Variants in CLDN2 observed in about 807,000 individuals in gnomAD.
CLDN2 encodes claudin 2, also known as claudin-2.
CLDN2 carries 1 observed loss-of-function variant against 8.2 expected under a neutral mutation model. The ratio of observed to expected loss-of-function variants is 0.12; its 90% CI spans 0.04 to 0.58. CLDN2 has a LOEUF of 0.58. CLDN2 is among the 20% of genes least tolerant of loss of function. The probability of loss-of-function intolerance (pLI) is 0.90; values close to 1 mark genes in which losing one functional copy is unlikely to be tolerated. For synonymous variants in CLDN2, 70 were observed against 70.2 expected, an observed-to-expected ratio of 1.00 and a Z score of 0.01; for missense variants, 108 against 172.9, an observed-to-expected ratio of 0.62 and a Z score of 2.11.
chrX:106,921,739 C>T (rs1430162485), intron 1 of CLDN2, among the ~76,000 whole-genome samples: 1 of 112,226 alleles, frequency 8.9e-6, no homozygotes, highest in Non-Finnish European at 1.9e-5. Context: ...CCTGCAGCTC[C>T]AATCTCCCCA....
chrX:106,900,868 T>C lies in CLDN2; in HGVS notation c.-179+364T>C, dbSNP rs1346287583. 5 of 1,211,004 alleles carry C rather than the reference T, an allele frequency of 4.1e-6. No homozygotes were observed. In the Admixed American group the frequency reaches 6.5e-5, roughly 16 times the overall value. ...TTCTGCAGTAAAATCTCCCCAGCAC[T>C]GTACAGATAGTCGAAGGAGCGGGAT... is the stretch of plus-strand genomic sequence containing the variant. On this transcript the variant is annotated intron_variant, in intron 1 of 1. Transcript: ENST00000541806.
chrX:106,905,847 C>T (rs1183332733), intron 1 of CLDN2, among the ~76,000 whole-genome samples: 3 of 111,561 alleles, frequency 2.7e-5, no homozygotes, highest in Non-Finnish European at 5.7e-5. Context: ...CCTTCACTCC[C>T]CTGAGCAGCA....
At chrX:106,915,215 A>G (rs1354487799), upstream of CLDN2, among the ~76,000 whole-genome samples, 5 of 112,620 alleles carry the variant, frequency 4.4e-5, no homozygotes, top group East Asian at 1.4e-3. Flanking sequence ...ATTGTGAAGT[A>G]GTATTCCATT....
intron 1 of CLDN2, among the ~76,000 whole-genome samples, chrX:106,923,761 C>A (rs1326899322): frequency 9.0e-6 from 1 of 111,154 alleles, no homozygotes; most frequent in East Asian, 2.8e-4. Flanking sequence ...GTTAACTACA[C>A]AAATCTTGAG....
chrX:106,902,311 C>T (rs774144515), intron 1 of CLDN2: 12 of 683,419 alleles, frequency 1.8e-5, no homozygotes, highest in Admixed American at 1.5e-4. Flanking sequence ...GGCTCAGGTG[C>T]CATCTGCTCC....
chrX:106,926,581 G>T (rs1933467820), intron 1 of CLDN2, among the ~76,000 whole-genome samples: 1 of 110,665 alleles, frequency 9.0e-6, no homozygotes, highest in Non-Finnish European at 1.9e-5. Flanking sequence ...TAGTGGGTTA[G>T]TTCGGGCACG....
chrX:106,926,389 G>A (rs191219781), intron 1 of CLDN2, among the ~76,000 whole-genome samples: 5 of 111,541 alleles, frequency 4.5e-5, no homozygotes, highest in African/African-American at 1.6e-4. Flanking sequence ...TCAGATTTGG[G>A]AGGGTCAGTG....
intron 1 of CLDN2, among the ~76,000 whole-genome samples, chrX:106,924,745 T>C (rs1933442271): frequency 9.3e-6 from 1 of 107,242 alleles, no homozygotes; most frequent in Admixed American, 1.0e-4. Flanking sequence ...ATATACATTA[T>C]ATATATACAT....
chrX:106,926,787 TCACACA>T (rs60711565), intron 1 of CLDN2, among the ~76,000 whole-genome samples: 79 of 2,109 alleles, frequency 0.037, 3 homozygotes, highest in African/African-American at 0.077. Flanking sequence ...GGCAGGAGGA[TCACACA>T]CACACACACA....
At chrX:106,924,959 A>G (rs990211409) in intron 1 of CLDN2, among the ~76,000 whole-genome samples, 20 of 110,289 alleles carry the variant, frequency 1.8e-4, no homozygotes, top group African/African-American at 6.3e-4. Flanking sequence ...TATTAAGAAG[A>G]CAGTTTTTGA....
Position 106,924,215 on chromosome X carries a change from T to C in CLDN2, c.-179+3664T>C, listed in dbSNP as rs112872870. On this transcript the variant is annotated intron_variant, in intron 1 of 1. Coordinates refer to ENST00000336803, the MANE Select transcript of CLDN2 (RefSeq NM_020384.4). ...GGTGAAGAAGTGGAGACATCAATAA[T>C]GAATGGCTTGTTTAAGGATCTTGGC... Among the ~76,000 whole-genome samples the C allele has an allele frequency of 3.4e-3, 377 of 111,044 alleles. 3 individuals carry two copies. Among genetic ancestry groups the C allele is most frequent in the African/African-American group, 0.011 (349 of 30,494 alleles).
intron 1 of CLDN2, chrX:106,903,352 T>C (rs1247952303): frequency 1.9e-6 from 2 of 1,070,630 alleles, no homozygotes; most frequent in Non-Finnish European, 2.5e-6. Context: ...TTTTGGCTTT[T>C]CCTGGGAGAC....
intron 1 of CLDN2, among the ~76,000 whole-genome samples, chrX:106,908,182 C>A (rs1933204224): frequency 8.9e-6 from 1 of 112,014 alleles, no homozygotes; most frequent in South Asian, 3.8e-4. Context: ...CCTCTCTCAC[C>A]TGGATGCTCA....
chrX:106,913,309 G>A (rs1933269089), intron 1 of CLDN2, among the ~76,000 whole-genome samples: 1 of 111,599 alleles, frequency 9.0e-6, no homozygotes. Context: ...TGGCCAGGCT[G>A]GTTTTGAACT....
chrX:106,918,234 C>A (rs1444203105), upstream of CLDN2: 1 of 111,970 alleles, frequency 8.9e-6, no homozygotes, highest in Non-Finnish European at 1.9e-5. Flanking sequence ...CTGGGTGAAG[C>A]CTGGGAAAAG....
intron 1 of CLDN2, chrX:106,903,336 G>T: frequency 3.5e-6 from 4 of 1,128,386 alleles, no homozygotes; most frequent in Non-Finnish European, 4.7e-6. Context: ...AGAACCTTCT[G>T]CACTCTTTTG....
At chrX:106,920,948 G>A (rs1008068705) in intron 1 of CLDN2, among the ~76,000 whole-genome samples, 1 of 111,605 alleles carries the variant, frequency 9.0e-6, no homozygotes, top group East Asian at 2.8e-4. Flanking sequence ...TGGCATGAAG[G>A]CTCAGGGAGG....
upstream of CLDN2, among the ~76,000 whole-genome samples, chrX:106,915,496 C>T (rs1227884958): frequency 8.9e-6 from 1 of 112,254 alleles, no homozygotes; most frequent in African/African-American, 3.2e-5. Context: ...ACAAAAGAAA[C>T]CTTAATACCA....
At chrX:106,905,219 AT>A (rs1436355056) in intron 1 of CLDN2, among the ~76,000 whole-genome samples, 1 of 112,246 alleles carries the variant, frequency 8.9e-6, no homozygotes, top group Non-Finnish European at 1.9e-5. Flanking sequence ...ATGGAGACAC[AT>A]TTTGGCTCAA....
Sources: gnomAD v4.1 joint callset for allele counts (sites outside exome capture counted in the v4.1 genomes callset) on GRCh38, gnomAD v4.1.1 for gene constraint, MANE v1.5 for transcripts, NCBI Gene and HGNC (gene_info 2026-07-23, HGNC 2026-07-21) for gene names.